RNF14: variants seen among roughly 807,000 people sequenced by gnomAD.
RNF14 encodes E3 ubiquitin-protein ligase RNF14.
Under a neutral mutation model 52.6 loss-of-function variants are expected in RNF14, and 26 were observed. That is an observed-to-expected ratio of 0.49 (90% CI 0.36 to 0.69). The LOEUF is 0.69. Among genes scored for constraint, RNF14 ranks in the 30% least tolerant of loss-of-function variants. The probability of loss-of-function intolerance (pLI) is 0.00; values close to 1 mark genes in which losing one functional copy is unlikely to be tolerated. For missense variants in RNF14, 404 were observed against 560.4 expected (o/e 0.72, Z 2.82); for synonymous variants, 194 against 202.0 (o/e 0.96, Z 0.34).
At chr5:141,981,851 C>CA (rs948599356) in intron 6 of RNF14, among the ~76,000 whole-genome samples, 1,208 of 108,422 alleles carry the variant, frequency 0.011, 13 homozygotes, top group African/African-American at 0.035. Flanking sequence ...GACCCTGTCT[C>CA]AAAAAAAAAA....
At chr5:141,978,182 TA>T in intron 4 of RNF14, 120 bp from the exon 5 acceptor site, 1 of 805,362 alleles carries the variant, frequency 1.2e-6, no homozygotes. Flanking sequence ...ATCACAGCAG[TA>T]AAAAATAGTG....
At chr5:141,961,895 G>T (rs187233697), upstream of RNF14, among the ~76,000 whole-genome samples, 1 of 152,154 alleles carries the variant, frequency 6.6e-6, no homozygotes, top group Non-Finnish European at 1.5e-5. Flanking sequence ...CGAATGTCCC[G>T]CTGGGCTGGC....
upstream of RNF14, chr5:141,966,845 G>T (rs897715052): frequency 6.6e-6 from 1 of 152,300 alleles, no homozygotes; most frequent in Non-Finnish European, 1.5e-5. Flanking sequence ...TGGTGCATGG[G>T]CTTCCTCACT....
intron 6 of RNF14, 45 bp downstream of exon 6, chr5:141,980,396 C>T (rs567167671): frequency 7.1e-7 from 1 of 1,416,854 alleles, no homozygotes; most frequent in Non-Finnish European, 9.9e-7. Context: ...CAGTCTCTCC[C>T]TCACATTTCA....
intron 7 of RNF14, among the ~76,000 whole-genome samples, chr5:141,984,210 G>A (rs1468874235): frequency 1.3e-5 from 2 of 150,898 alleles, no homozygotes; most frequent in Admixed American, 1.3e-4. Flanking sequence ...GAATTTTCAT[G>A]CCTCAGCCTC....
Position 141,978,371 on chromosome 5 carries a change from C to T in RNF14, c.375C>T (p.Ala125=). The stretch of plus-strand genomic sequence containing the variant: ...ACCGTGGCAGCGTGGTCCTGTTTGC[C>T]TGGATGCAATTTCTTAAGGAAGAGA... ...EEHRGSVVLF[A]WMQFLKEETL... The change falls in exon 5 of 9, where the codon GCC becomes GCT. Residue 125 remains alanine (A), a synonymous_variant. Transcript: ENST00000394520. 1.9e-6 allele frequency: 3 copies of T among 1,614,092 alleles called. No individual in the cohort carries two copies. The highest frequency in any genetic ancestry group is 1.1e-5 in the South Asian group (1 of 91,072).
At chr5:141,965,742 A>C (rs138199196), upstream of RNF14, among the ~76,000 whole-genome samples, 2,422 of 152,246 alleles carry the variant, frequency 0.016, 28 homozygotes, top group African/African-American at 0.034. Context: ...CTCACTTGTA[A>C]GTGGAAGCTA....
chr5:141,951,522 A>G, the RNF14 span: 1 of 1,613,964 alleles, frequency 6.2e-7, no homozygotes, highest in Non-Finnish European at 8.5e-7. Flanking sequence ...CCAAGTACTT[A>G]TTTCCTCGGT....
upstream of RNF14, among the ~76,000 whole-genome samples, chr5:141,968,653 C>T (rs1295519390): frequency 6.6e-6 from 1 of 152,188 alleles, no homozygotes; most frequent in Non-Finnish European, 1.5e-5. Context: ...GCATTTATCA[C>T]ACTGCTTGAA....
intron 6 of RNF14, chr5:141,981,462 C>T (rs1429530067): frequency 1.3e-5 from 2 of 152,066 alleles, no homozygotes; most frequent in African/African-American, 2.4e-5. Flanking sequence ...TTAAATCAAG[C>T]AAACCTGGTT....
upstream of RNF14, chr5:141,957,714 G>A (rs144137657): frequency 3.7e-6 from 6 of 1,614,024 alleles, no homozygotes; most frequent in African/African-American, 1.3e-5. This position sits in a 1 kb window ranked among gnomAD's most constrained non-coding sequence, Gnocchi z 4.3. Context: ...ACAGCTTCCC[G>A]ATCACTGTAC....
At chr5:141,956,681 A>C, upstream of RNF14, 1 of 1,614,254 alleles carries the variant, frequency 6.2e-7, no homozygotes, top group African/African-American at 1.3e-5. Flanking sequence ...CTCAGCCAGC[A>C]GTGGACCAAA....
upstream of RNF14, chr5:141,956,907 G>A: frequency 6.2e-7 from 1 of 1,614,188 alleles, no homozygotes; most frequent in Non-Finnish European, 8.5e-7. Flanking sequence ...CGTAGGCAGG[G>A]TTCTTTTCAT....
intron 6 of RNF14, 107 bp from the exon 7 acceptor site, chr5:141,983,273 T>C: frequency 1.1e-6 from 1 of 894,576 alleles, no homozygotes; most frequent in Non-Finnish European, 1.7e-6. Context: ...TATGATAAAG[T>C]TCTAGGAATA....
upstream of RNF14, chr5:141,955,682 C>G (rs1162605866): frequency 6.2e-7 from 1 of 1,614,044 alleles, no homozygotes; most frequent in Non-Finnish European, 8.5e-7. This position sits in a 1 kb window ranked among gnomAD's most constrained non-coding sequence, Gnocchi z 5.5. Flanking sequence ...CCCAACAGTA[C>G]AGCCAGGCAG....
At chr5:141,969,873 A>G (rs1753585928) in intron 1 of RNF14, 1 of 152,262 alleles carries the variant, frequency 6.6e-6, no homozygotes, top group African/African-American at 2.4e-5. Context: ...CATAAACTGC[A>G]TGAATGAATC....
intron 8 of RNF14, 35 bp from the exon 9 acceptor site, chr5:141,987,692 CGTTCAA>C: frequency 6.3e-7 from 1 of 1,586,056 alleles, no homozygotes; most frequent in Non-Finnish European, 8.6e-7. Flanking sequence ...TATATTGTTT[CGTTCAA>C]GTGTATAAAA....
intron 8 of RNF14, 95 bp from the exon 9 acceptor site, chr5:141,987,638 A>T (rs424485): frequency 0.77 from 911,339 of 1,178,112 alleles, 354,580 homozygotes; most frequent in East Asian, 0.99. Flanking sequence ...ATGTACAAAG[A>T]TGTTATAAGA....
chr5:141,987,527 T>A (rs1322140648), intron 8 of RNF14, among the ~76,000 whole-genome samples: 2 of 152,074 alleles, frequency 1.3e-5, no homozygotes, highest in Non-Finnish European at 1.5e-5. Context: ...CAAGTACTCA[T>A]CCACCTTAAA....
Sources: gnomAD v4.1 joint callset for allele counts (sites outside exome capture counted in the v4.1 genomes callset) on GRCh38, gnomAD v4.1.1 for gene constraint, Gnocchi (gnomAD v3.1) non-coding constraint, MANE v1.5 for transcripts, NCBI Gene and HGNC (gene_info 2026-07-23, HGNC 2026-07-21) for gene names.